The following GREM2 variants were observed in gnomAD, a reference collection of about 807,000 sequenced individuals.
The protein encoded by GREM2 is gremlin 2, DAN family BMP antagonist, also known as gremlin-2.
GREM2 carries 11 observed loss-of-function variants against 14.2 expected under a neutral mutation model. That is an observed-to-expected ratio of 0.78 (90% CI 0.49 to 1.28). The LOEUF (loss-of-function observed/expected upper bound fraction) is 1.28, where lower values mean the gene tolerates loss of function less well. GREM2 is among the 50% of genes most tolerant of loss of function. The pLI is 0.00. For missense variants in GREM2, 210 were observed against 218.5 expected (o/e 0.96, Z 0.24); for synonymous variants, 98 against 97.6 (o/e 1.00, Z -0.02).
chr1:240,583,825 A>G (rs1679537967), intron 1 of GREM2, among the ~76,000 whole-genome samples: 1 of 151,920 alleles, frequency 6.6e-6, no homozygotes, highest in Non-Finnish European at 1.5e-5. Context: ...GATGGTCTCA[A>G]TCTCTTGACC....
At chr1:240,586,112 CA>C (rs958458046) in intron 1 of GREM2, among the ~76,000 whole-genome samples, 3 of 151,386 alleles carry the variant, frequency 2.0e-5, no homozygotes, top group Non-Finnish European at 2.9e-5. Context: ...GCTTCACAAG[CA>C]AATTTAAGAA....
intron 1 of GREM2, among the ~76,000 whole-genome samples, chr1:240,499,712 T>C (rs1456377017): frequency 1.3e-5 from 2 of 152,194 alleles, no homozygotes; most frequent in Non-Finnish European, 2.9e-5. Flanking sequence ...TGAAACCACT[T>C]ACCCCCAGCT....
chr1:240,590,930 C>CCT (rs1679699922), intron 1 of GREM2, among the ~76,000 whole-genome samples: 10 of 151,878 alleles, frequency 6.6e-5, no homozygotes, highest in Non-Finnish European at 1.5e-4. Flanking sequence ...TACAGGCACG[C>CCT]GCCTCCATGC....
rs1421080914 is a variant in GREM2 at position 240,603,769 on chromosome 1, A to T, written c.-2+8115T>A. 2.0e-5 allele frequency among the ~76,000 whole-genome samples: 3 copies of T among 152,006 alleles called. No individual in the cohort carries two copies. The East Asian group carries it at 5.8e-4, about 29-fold the overall frequency. On this transcript the variant is annotated intron_variant, in intron 1 of 1. Transcript: ENST00000318160. ...TATATACATACATATACATACACAC[A>T]CACATATATGTTATTGTGTTATTAT...
intron 1 of GREM2, among the ~76,000 whole-genome samples, chr1:240,576,670 A>C (rs1679379639): frequency 6.6e-6 from 1 of 152,192 alleles, no homozygotes; most frequent in African/African-American, 2.4e-5. Context: ...AGAAAACTAA[A>C]ACCTTTTAAA....
At chr1:240,526,704 A>G (rs1315199869) in intron 1 of GREM2, among the ~76,000 whole-genome samples, 3 of 152,230 alleles carry the variant, frequency 2.0e-5, no homozygotes, top group Non-Finnish European at 4.4e-5. Flanking sequence ...AGAGCATCTC[A>G]TAGACAGACG....
chr1:240,603,960 C>T (rs1679977291), intron 1 of GREM2, among the ~76,000 whole-genome samples: 1 of 151,324 alleles, frequency 6.6e-6, no homozygotes, highest in South Asian at 2.1e-4. Flanking sequence ...GTACAAGAAA[C>T]ATGGTGCTGG....
intron 1 of GREM2, among the ~76,000 whole-genome samples, chr1:240,590,968 G>A (rs1344386472): frequency 2.0e-5 from 3 of 151,446 alleles, no homozygotes; most frequent in Non-Finnish European, 4.4e-5. Flanking sequence ...TTTTAGTAGA[G>A]AAGGGGTTTC....
chr1:240,492,231 G>C lies in GREM2; in HGVS notation c.*738C>G, dbSNP rs1400420769. On this transcript the variant is annotated 3_prime_UTR_variant, in exon 2 of 2. Coordinates refer to ENST00000318160, the MANE Select transcript of GREM2 (RefSeq NM_022469.4). Reference sequence around the variant, plus strand: ...TGCAGCAATAATAGCATGCACACCAGAGTTCATCTTTAGTCCACAAATAGG... The same window carrying C: ...TGCAGCAATAATAGCATGCACACCACAGTTCATCTTTAGTCCACAAATAGG... 2.2e-6 allele frequency: 1 copy of C among 453,414 alleles called. No individual in the cohort carries two copies. The highest frequency in any genetic ancestry group is 4.4e-6 in the Non-Finnish European group (1 of 225,082). The allele number at this position is 453,414 out of a possible 1,614,324, so 28.1% of individuals were successfully genotyped here. A position where few individuals can be genotyped will look rare whatever the true frequency, so the allele number is the denominator to read the frequency against.
At chr1:240,559,340 C>CTTT (rs61006579) in intron 1 of GREM2, among the ~76,000 whole-genome samples, 96 of 110,086 alleles carry the variant, frequency 8.7e-4, no homozygotes, top group African/African-American at 1.7e-3. Flanking sequence ...ATCAAAAAGT[C>CTTT]TTTTTTTTTT....
rs560997960 is a variant in GREM2, at chr1:240,525,490, A to G, written c.-1-32014T>C. Among the ~76,000 whole-genome samples, 22 of 152,044 alleles carry G rather than the reference A, an allele frequency of 1.4e-4. No homozygotes were observed. In the South Asian group the frequency reaches 3.1e-3, roughly 22 times the overall value. ...AAATTTAGTGGCTTAAGACTCCACAAATGTTAATTTCTTTTTTTTTTTAAA... is the reference window on the plus strand; with the variant it reads ...AAATTTAGTGGCTTAAGACTCCACAGATGTTAATTTCTTTTTTTTTTTAAA... On this transcript the variant is annotated intron_variant, in intron 1 of 1. Coordinates refer to ENST00000318160, the MANE Select transcript of GREM2 (RefSeq NM_022469.4).
At chr1:240,518,586 C>T (rs539289074) in intron 1 of GREM2, among the ~76,000 whole-genome samples, 2 of 152,288 alleles carry the variant, frequency 1.3e-5, no homozygotes, top group East Asian at 3.9e-4. Flanking sequence ...CAACTGACAT[C>T]TAAGAGTTTC....
At chr1:240,566,836 CAAAT>C (rs1442752463) in intron 1 of GREM2, among the ~76,000 whole-genome samples, 1 of 151,858 alleles carries the variant, frequency 6.6e-6, no homozygotes, top group African/African-American at 2.4e-5. Context: ...CAAAAACAAA[CAAAT>C]AAAAACAAAA....
At chr1:240,516,858 A>G (rs1314076743) in intron 1 of GREM2, among the ~76,000 whole-genome samples, 2 of 152,132 alleles carry the variant, frequency 1.3e-5, no homozygotes, top group East Asian at 3.9e-4. Context: ...CCAGTGATGT[A>G]ACACGTATTG....
At chr1:240,525,440 T>A (rs563498721) in intron 1 of GREM2, among the ~76,000 whole-genome samples, 2 of 152,196 alleles carry the variant, frequency 1.3e-5, no homozygotes, top group East Asian at 3.9e-4. Flanking sequence ...ATTTGTTTTC[T>A]ATGGCAGCCG....
intron 1 of GREM2, among the ~76,000 whole-genome samples, chr1:240,596,045 G>A (rs925269378): frequency 7.9e-5 from 12 of 152,136 alleles, no homozygotes; most frequent in African/African-American, 1.4e-4. Flanking sequence ...AAGTTGTGAC[G>A]ACTATAATAT....
chr1:240,555,414 G>A (rs1678936728), intron 1 of GREM2, among the ~76,000 whole-genome samples: 2 of 152,104 alleles, frequency 1.3e-5, no homozygotes, highest in South Asian at 4.1e-4. Flanking sequence ...AGGCCAAAAA[G>A]CATTAGCTAC....
Position 240,493,369 on chromosome 1 carries a change from T to A in GREM2, c.107A>T (p.Asp36Val), listed in dbSNP as rs1482641042. 6.8e-6 allele frequency: 11 copies of A among 1,613,906 alleles called. No homozygotes were observed. The highest frequency in any genetic ancestry group is 9.3e-6 in the Non-Finnish European group (11 of 1,180,010). Reference sequence around the variant, plus strand: ...TCTCTCCGAGTTGTTGCTGCTGCCGTCCTTGTAAGGCGAGGGGATGGCGCC... The same window carrying A: ...TCTCTCCGAGTTGTTGCTGCTGCCGACCTTGTAAGGCGAGGGGATGGCGCC... The part of the protein sequence containing the change: ...PAGAIPSPYK[D>V]GSSNNSERWQ... Residue 36 changes from aspartate (D) to valine (V), a missense_variant, in exon 2 of 2, where the codon GAC becomes GTC. Coordinates refer to ENST00000318160, the MANE Select transcript of GREM2 (RefSeq NM_022469.4).
intron 1 of GREM2, among the ~76,000 whole-genome samples, chr1:240,548,684 A>C (rs1572393836): frequency 6.6e-6 from 1 of 152,342 alleles, no homozygotes; most frequent in Non-Finnish European, 1.5e-5. Context: ...TCGAGACTAA[A>C]GATTTGGGAA....
Sources: gnomAD v4.1 joint callset for allele counts (sites outside exome capture counted in the v4.1 genomes callset) on GRCh38, gnomAD v4.1.1 for gene constraint, MANE v1.5 for transcripts, NCBI Gene and HGNC (gene_info 2026-07-23, HGNC 2026-07-21) for gene names.